IPCEF1: variants seen among roughly 807,000 people sequenced by gnomAD.
IPCEF1 encodes the protein interaction protein for cytohesin exchange factors 1, also known as interactor protein for cytohesin exchange factors 1.
IPCEF1 carries 31 observed loss-of-function variants against 50.9 expected under a neutral mutation model. That is an observed-to-expected ratio of 0.61 (90% CI 0.46 to 0.82). The LOEUF (loss-of-function observed/expected upper bound fraction) is 0.82, where lower values mean the gene tolerates loss of function less well. Ranked by LOEUF, IPCEF1 falls within the 40% of genes least tolerant of loss-of-function variation. IPCEF1 has a pLI of 0.00. For missense variants in IPCEF1, 458 were observed against 514.0 expected, an observed-to-expected ratio of 0.89 and a Z score of 1.05; for synonymous variants, 181 against 192.0, an observed-to-expected ratio of 0.94 and a Z score of 0.47.
At chr6:154,322,122 T>G (rs1783398042) in intron 1 of IPCEF1, among the ~76,000 whole-genome samples, 2 of 152,054 alleles carry the variant, frequency 1.3e-5, no homozygotes, top group Admixed American at 6.6e-5. Context: ...ATGCCAAAAG[T>G]GCATACACCA....
intron 10 of IPCEF1, among the ~76,000 whole-genome samples, chr6:154,171,388 T>C (rs983544851): frequency 1.3e-5 from 2 of 152,296 alleles, no homozygotes; most frequent in African/African-American, 4.8e-5. Flanking sequence ...TATTGCGTGA[T>C]TCCATTTATA....
chr6:154,275,950 C>T (rs996708083), intron 2 of IPCEF1, among the ~76,000 whole-genome samples: 5 of 152,030 alleles, frequency 3.3e-5, no homozygotes, highest in African/African-American at 4.8e-5. Flanking sequence ...GAGGCCGAGG[C>T]GGGTGGATCA....
intron 1 of IPCEF1, among the ~76,000 whole-genome samples, chr6:154,290,221 C>T (rs983452829): frequency 8.5e-5 from 13 of 152,138 alleles, no homozygotes; most frequent in African/African-American, 3.1e-4. Context: ...GAACACTCGA[C>T]TGGTAAGGGA....
At chr6:154,274,815 GC>G (rs1466910331) in intron 2 of IPCEF1, among the ~76,000 whole-genome samples, 1 of 152,154 alleles carries the variant, frequency 6.6e-6, no homozygotes, top group Non-Finnish European at 1.5e-5. Flanking sequence ...TGTTGGTTGC[GC>G]CCAATCAAGG....
rs796879307 is a variant in IPCEF1, at chr6:154,265,761, G to A, written c.36+151C>T. The A allele has an allele frequency of 6.3e-5, 41 of 647,842 alleles. 1 individual carries two copies. The highest frequency in any genetic ancestry group is 5.7e-4 in the Middle Eastern group (2 of 3,538). The allele number at this position is 647,842 out of a possible 1,614,324, so 40.1% of individuals were successfully genotyped here. A position where few individuals can be genotyped will look rare whatever the true frequency, so the allele number is the denominator to read the frequency against. On this transcript the variant is annotated intron_variant, in intron 3 of 11. Coordinates refer to ENST00000367220, the MANE Select transcript of IPCEF1 (RefSeq NM_001130700.2). ...TTAAATGCTTGATAACCATAAGACC[G>A]TTTAAATCTAGCAACAGTGTCTTTG...
chr6:154,177,773 G>C (rs1362488786), intron 10 of IPCEF1, among the ~76,000 whole-genome samples: 2 of 152,188 alleles, frequency 1.3e-5, no homozygotes. Flanking sequence ...ATTTGAGCCA[G>C]CAATCCCATT....
At chr6:154,261,856 C>G (rs1243413790) in intron 3 of IPCEF1, among the ~76,000 whole-genome samples, 1 of 152,120 alleles carries the variant, frequency 6.6e-6, no homozygotes, top group Non-Finnish European at 1.5e-5. Context: ...CATCTTTATA[C>G]CCCAGCACCA....
intron 10 of IPCEF1, among the ~76,000 whole-genome samples, chr6:154,169,825 G>A (rs569512456): frequency 5.3e-5 from 8 of 152,338 alleles, no homozygotes; most frequent in African/African-American, 1.7e-4. Context: ...TGTGCCTCTG[G>A]TCAGGCCATT....
intron 1 of IPCEF1, among the ~76,000 whole-genome samples, chr6:154,303,126 C>A (rs1174580787): frequency 7.3e-6 from 1 of 137,780 alleles, no homozygotes; most frequent in Non-Finnish European, 1.5e-5. Context: ...GAGTCTCGCT[C>A]TGTCACCCAG....
At chr6:154,202,522 C>A (rs1433353173) in intron 9 of IPCEF1, among the ~76,000 whole-genome samples, 2 of 152,144 alleles carry the variant, frequency 1.3e-5, no homozygotes, top group East Asian at 3.9e-4. Context: ...TAAAATTCAA[C>A]TTCTATGTGA....
intron 11 of IPCEF1, among the ~76,000 whole-genome samples, chr6:154,166,433 C>T (rs1799439718): frequency 6.6e-6 from 1 of 152,216 alleles, no homozygotes; most frequent in African/African-American, 2.4e-5. Context: ...CTGCTTCTCC[C>T]AACGTGGAAC....
intron 5 of IPCEF1, 38 bp from the exon 6 acceptor site, chr6:154,223,281 T>C: frequency 4.8e-6 from 7 of 1,459,404 alleles, no homozygotes; most frequent in Non-Finnish European, 6.7e-6. Flanking sequence ...AATGAATGCA[T>C]CAATCCTGGG....
chr6:154,337,798 G>C (rs971719599), intron 1 of IPCEF1, among the ~76,000 whole-genome samples: 16 of 152,222 alleles, frequency 1.1e-4, no homozygotes, highest in African/African-American at 3.9e-4. Flanking sequence ...AGCAGTCTAA[G>C]CTTTGTGGTG....
rs770200130 is a variant in IPCEF1 at position 154,159,836 on chromosome 6, A to T, written c.1309T>A (p.Ser437Thr). Residue 437 changes from serine (S) to threonine (T), a missense_variant, in exon 12 of 12, where the codon TCC (serine) becomes ACC (threonine). Ser to Thr is a moderately conservative substitution (Grantham distance 58). Coordinates refer to ENST00000367220, the MANE Select transcript of IPCEF1 (RefSeq NM_001130700.2). ...AAAACCCTGACTTTGTCTCAAATGG[A>T]ATTTTCAACAGAGGGAGAAGAAGGT... ...KSPSSPSVEN[S>T]I 6 of 1,610,764 alleles carry T rather than the reference A, an allele frequency of 3.7e-6. No individual in the cohort carries two copies. In the South Asian group the frequency reaches 6.6e-5, roughly 18 times the overall value.
chr6:154,304,756 C>G (rs1270436596), intron 1 of IPCEF1, among the ~76,000 whole-genome samples: 2 of 152,104 alleles, frequency 1.3e-5, no homozygotes, highest in Admixed American at 1.3e-4. Context: ...GCCTGTATCT[C>G]CAGTTTGGAA....
At chr6:154,265,431 C>T (rs1197597511) in intron 3 of IPCEF1, among the ~76,000 whole-genome samples, 1 of 151,516 alleles carries the variant, frequency 6.6e-6, no homozygotes, top group East Asian at 1.9e-4. Context: ...CAGGCGCACA[C>T]CACCATATCC....
chr6:154,159,571 G>C lies in IPCEF1; in HGVS notation c.*257C>G. The C allele has an allele frequency of 1.0e-5, 5 of 483,074 alleles. No individual in the cohort carries two copies. In the South Asian group the frequency reaches 1.3e-4, roughly 13 times the overall value. 29.9% of individuals were successfully genotyped at this position (483,074 alleles called of 1,614,324 possible). ...ATCCCCCCTAGAGCCCCACATCACC[G>C]TGAGCTCCCAGTAGGAACACAAAAA... On this transcript the variant is annotated 3_prime_UTR_variant, in exon 12 of 12. Coordinates refer to ENST00000367220, the MANE Select transcript of IPCEF1 (RefSeq NM_001130700.2).
At chr6:154,181,033 C>T (rs1432895389) in intron 10 of IPCEF1, among the ~76,000 whole-genome samples, 1 of 151,992 alleles carries the variant, frequency 6.6e-6, no homozygotes, top group African/African-American at 2.4e-5. Context: ...TATGCAAAAC[C>T]TTAAAAGGCT....
At chr6:154,223,406 C>T (rs1779016532) in intron 5 of IPCEF1, among the ~76,000 whole-genome samples, 163 bp from the exon 6 acceptor site, 3 of 152,168 alleles carry the variant, frequency 2.0e-5, no homozygotes, top group Admixed American at 6.5e-5. Context: ...ATACACAGCT[C>T]ATGAGAAAGA....
Sources: gnomAD v4.1 joint callset for allele counts (sites outside exome capture counted in the v4.1 genomes callset) on GRCh38, gnomAD v4.1.1 for gene constraint, MANE v1.5 for transcripts, NCBI Gene and HGNC (gene_info 2026-07-23, HGNC 2026-07-21) for gene names.